EYA2: variants seen among roughly 807,000 people sequenced by gnomAD.
EYA2 encodes protein phosphatase EYA2.
Under a neutral mutation model 69.2 loss-of-function variants are expected in EYA2, and 31 were observed. The ratio of observed to expected loss-of-function variants is 0.45; its 90% CI spans 0.34 to 0.60. The LOEUF (loss-of-function observed/expected upper bound fraction) is 0.60. Ranked by LOEUF, EYA2 falls within the 20% of genes least tolerant of loss-of-function variation. The probability of loss-of-function intolerance (pLI) is 0.02; values close to 1 mark genes in which losing one functional copy is unlikely to be tolerated. For missense variants in EYA2, 622 were observed against 701.2 expected (o/e 0.89, Z 1.28); for synonymous variants, 257 against 279.4 (o/e 0.92, Z 0.80).
intron 1 of EYA2, among the ~76,000 whole-genome samples, chr20:46,927,890 G>T (rs193264902): frequency 6.6e-6 from 1 of 152,134 alleles, no homozygotes; most frequent in Non-Finnish European, 1.5e-5. Flanking sequence ...TATGAGGATC[G>T]GGTGAGGTAA....
intron 2 of EYA2, among the ~76,000 whole-genome samples, chr20:46,996,594 T>C (rs1175820401): frequency 1.3e-5 from 2 of 151,972 alleles, no homozygotes; most frequent in African/African-American, 4.8e-5. Context: ...TTTGTGTGAT[T>C]GTTTGTCATC....
intron 9 of EYA2, among the ~76,000 whole-genome samples, chr20:47,136,741 CAAAAA>C (rs11482117): frequency 9.2e-6 from 1 of 108,160 alleles, no homozygotes. Context: ...GACCCTGTCT[CAAAAA>C]AAAAAAAAAA....
chr20:47,179,574 ATGGAAGGG>A (rs1489277640), intron 12 of EYA2, among the ~76,000 whole-genome samples: 5 of 111,004 alleles, frequency 4.5e-5, no homozygotes, highest in African/African-American at 3.2e-4. Flanking sequence ...GGATGGATGA[ATGGAAGGG>A]TGGATGGGTG....
At chr20:46,898,957 C>T (rs557037650) in intron 1 of EYA2, among the ~76,000 whole-genome samples, 1 of 152,270 alleles carries the variant, frequency 6.6e-6, no homozygotes, top group South Asian at 2.1e-4. Flanking sequence ...AAATTATACC[C>T]TTCTGTTTAA....
intron 5 of EYA2, among the ~76,000 whole-genome samples, chr20:47,023,402 C>T (rs1188167492): frequency 6.6e-6 from 1 of 152,108 alleles, no homozygotes; most frequent in Non-Finnish European, 1.5e-5. Flanking sequence ...TTATGATTCT[C>T]GTGCTCTGTG....
chr20:47,169,147 C>T lies in EYA2; in HGVS notation c.987C>T (p.Asp329=). 6.2e-7 allele frequency: 1 copy of T among 1,613,824 alleles called. No individual in the cohort carries two copies. Among genetic ancestry groups the T allele is most frequent in the Non-Finnish European group, 8.5e-7 (1 of 1,179,916 alleles). The change falls in exon 11 of 16, where the codon GAC becomes GAT. Residue 329 remains aspartate, a synonymous_variant. Transcript: ENST00000327619. ...HLFFNDLEDC[D]QIHVDDVSSD... The stretch of plus-strand genomic sequence containing the variant: ...TGTCAAATTTTCCATAGGATTGTGA[C>T]CAGATCCACGTTGATGACGTCTCAT...
intron 5 of EYA2, among the ~76,000 whole-genome samples, chr20:47,062,856 G>A (rs1434995838): frequency 6.6e-6 from 1 of 152,144 alleles, no homozygotes; most frequent in East Asian, 1.9e-4. Flanking sequence ...ACTCCGGAGT[G>A]GGGCTGAAGG....
intron 5 of EYA2, among the ~76,000 whole-genome samples, chr20:47,018,272 G>T (rs1479586703): frequency 6.6e-6 from 1 of 152,118 alleles, no homozygotes; most frequent in East Asian, 1.9e-4. Flanking sequence ...CACAATAAGT[G>T]ATCTAAGTTA....
chr20:47,093,506 G>A (rs1188781548), intron 8 of EYA2, among the ~76,000 whole-genome samples: 1 of 152,270 alleles, frequency 6.6e-6, no homozygotes, highest in East Asian at 1.9e-4. Context: ...TGCCCTGACA[G>A]CTGCAGCCGC....
chr20:47,139,776 C>A (rs2033556539), intron 9 of EYA2, among the ~76,000 whole-genome samples: 1 of 152,058 alleles, frequency 6.6e-6, no homozygotes, highest in African/African-American at 2.4e-5. Context: ...CTTCTTGATT[C>A]TTTTTTTCCC....
chr20:46,910,926 G>A (rs1984613098), intron 1 of EYA2, among the ~76,000 whole-genome samples: 1 of 152,172 alleles, frequency 6.6e-6, no homozygotes, highest in Non-Finnish European at 1.5e-5. Context: ...GACTGGGGCT[G>A]GGAACTGTCT....
intron 9 of EYA2, among the ~76,000 whole-genome samples, chr20:47,100,253 A>C (rs925444078): frequency 1.3e-5 from 2 of 152,260 alleles, no homozygotes; most frequent in Non-Finnish European, 2.9e-5. Flanking sequence ...ACATTTAAAA[A>C]TCAGGAGATT....
intron 13 of EYA2, 53 bp downstream of exon 13, chr20:47,179,965 C>A: frequency 7.8e-7 from 1 of 1,289,404 alleles, no homozygotes; most frequent in Non-Finnish European, 1.1e-6. Context: ...TCGCAGTAGA[C>A]AGTGGTGGCT....
intron 5 of EYA2, among the ~76,000 whole-genome samples, chr20:47,047,473 G>A (rs1299267356): frequency 2.0e-5 from 3 of 150,990 alleles, no homozygotes; most frequent in East Asian, 3.9e-4. Flanking sequence ...TGCAACCTCC[G>A]CCTCCCGGGT....
chr20:47,147,259 C>T (rs115647019), intron 10 of EYA2, among the ~76,000 whole-genome samples: 1,693 of 151,950 alleles, frequency 0.011, 29 homozygotes, highest in African/African-American at 0.037. Context: ...TTGTTGGGCA[C>T]GGTGGTCTCG....
intron 10 of EYA2, among the ~76,000 whole-genome samples, chr20:47,153,248 G>A (rs1442457977): frequency 1.3e-5 from 2 of 152,032 alleles, no homozygotes; most frequent in Non-Finnish European, 1.5e-5. Flanking sequence ...TTTCTTACTC[G>A]TGTTTTAGGG....
chr20:47,069,314 TA>T (rs1223906392), intron 5 of EYA2, among the ~76,000 whole-genome samples: 3 of 152,032 alleles, frequency 2.0e-5, no homozygotes, highest in Non-Finnish European at 2.9e-5. Flanking sequence ...GCCAACATAG[TA>T]AAACCCCATC....
Position 47,074,623 on chromosome 20 carries a change from T to A in EYA2, c.661+288T>A, listed in dbSNP as rs546025954. Reference sequence around the variant, plus strand: ...AGAAAATTTTATAAATACCTAAAAATTCTATTTTCTGGCTTCTTTTGAAAG... The same window carrying A: ...AGAAAATTTTATAAATACCTAAAAAATCTATTTTCTGGCTTCTTTTGAAAG... On this transcript the variant is annotated intron_variant, in intron 7 of 15. Transcript: ENST00000327619. Among the ~76,000 whole-genome samples the A allele has an allele frequency of 2.4e-4, 36 of 152,306 alleles. No individual in the cohort carries two copies. In the South Asian group the frequency reaches 6.4e-3, roughly 27 times the overall value.
chr20:47,135,271 A>C (rs1326775496), intron 9 of EYA2, among the ~76,000 whole-genome samples: 1 of 152,052 alleles, frequency 6.6e-6, no homozygotes, highest in Non-Finnish European at 1.5e-5. Flanking sequence ...GCACTTTTAC[A>C]AAAACGTATT....
Sources: allele counts gnomAD v4.1 joint callset (sites outside exome capture counted in the v4.1 genomes callset), GRCh38; gene constraint gnomAD v4.1.1; transcripts MANE v1.5; gene names NCBI Gene and HGNC (gene_info 2026-07-23, HGNC 2026-07-21).